Variants in MYO16 observed in about 807,000 individuals in gnomAD.
The protein encoded by MYO16 is unconventional myosin-XVI.
Under a neutral mutation model 205.3 loss-of-function variants are expected in MYO16, and 94 were observed. The observed-to-expected ratio is 0.46, with a 90% confidence interval of 0.39 to 0.54. MYO16 has a LOEUF of 0.54. Among genes scored for constraint, MYO16 ranks in the 20% least tolerant of loss-of-function variants. The pLI is 0.00. For missense variants in MYO16, 2,315 were observed against 2,387.5 expected, an observed-to-expected ratio of 0.97 and a Z score of 0.63; for synonymous variants, 988 against 954.0, an observed-to-expected ratio of 1.04 and a Z score of -0.66.
chr13:108,793,080 G>A (rs1030150888), intron 5 of MYO16, among the ~76,000 whole-genome samples: 9 of 151,986 alleles, frequency 5.9e-5, no homozygotes, highest in Non-Finnish European at 1.2e-4. Context: ...TCAGGATATC[G>A]AGACCATCCT....
At position 109,164,949 on chromosome 13, in the gene MYO16, C is replaced by T. The variant is rs1250283520; in HGVS notation, c.5213C>T (p.Ser1738Leu). 6.2e-7 allele frequency: 1 copy of T among 1,608,184 alleles called. No homozygotes were observed. Among genetic ancestry groups the T allele is most frequent in the Admixed American group, 1.7e-5 (1 of 59,020 alleles). Residue 1738 changes from serine (S) to leucine (L), a missense_variant, in exon 33 of 35, where the codon TCA becomes TTA. Coordinates refer to ENST00000457511, the MANE Select transcript of MYO16 (RefSeq NM_001198950.3). ...AGTAGCCGAGATGACCCTAGTACGT[C>T]AGAAATTACTTCCGAGACTCAAGAC... ...NISSRDDPST[S>L]EITSETQDRN...
chr13:108,659,515 C>A, intron 1 of MYO16: 1 of 187,230 alleles, frequency 5.3e-6, no homozygotes, highest in Non-Finnish European at 1.1e-5. Context: ...ACCTCCCTTG[C>A]CCCCCTAAAA....
intron 34 of MYO16, among the ~76,000 whole-genome samples, chr13:109,181,985 A>G (rs1204710196): frequency 6.6e-6 from 1 of 151,886 alleles, no homozygotes; most frequent in African/African-American, 2.4e-5. Context: ...ACACCCAGCT[A>G]ATTTTGTATT....
intron 19 of MYO16, 114 bp downstream of exon 19, chr13:108,962,609 T>C: frequency 1.3e-6 from 1 of 755,124 alleles, no homozygotes; most frequent in Non-Finnish European, 2.1e-6. Flanking sequence ...GAATGCCAAA[T>C]GAGGAAAGCA....
intron 20 of MYO16, among the ~76,000 whole-genome samples, chr13:108,978,776 A>G (rs1413623829): frequency 6.6e-6 from 1 of 152,014 alleles, no homozygotes; most frequent in African/African-American, 2.4e-5. Flanking sequence ...AATGAAGATC[A>G]TATACTCCTT....
intron 29 of MYO16, among the ~76,000 whole-genome samples, chr13:109,123,374 C>T (rs1165995950): frequency 2.0e-5 from 3 of 152,198 alleles, no homozygotes; most frequent in Non-Finnish European, 4.4e-5. Flanking sequence ...CATTAATCTT[C>T]TCTTTATTCC....
chr13:109,206,124 T>C (rs1880588528), intron 34 of MYO16, among the ~76,000 whole-genome samples: 1 of 143,514 alleles, frequency 7.0e-6, no homozygotes, highest in Admixed American at 7.0e-5. Flanking sequence ...GGTCCATGCC[T>C]TATGGTCGGA....
chr13:108,712,623 A>C, intron 2 of MYO16, 38 bp from the exon 3 acceptor site: 1 of 1,575,624 alleles, frequency 6.3e-7, no homozygotes, highest in African/African-American at 1.3e-5. Flanking sequence ...TGGAAGAAGG[A>C]CTCTCTGTAA....
At chr13:109,018,511 C>T (rs1176975743) in intron 22 of MYO16, among the ~76,000 whole-genome samples, 1 of 152,166 alleles carries the variant, frequency 6.6e-6, no homozygotes, top group Non-Finnish European at 1.5e-5. Flanking sequence ...AGAACCACTG[C>T]TCTCTTCAGA....
intron 2 of MYO16, among the ~76,000 whole-genome samples, chr13:108,681,819 T>C (rs1882475829): frequency 6.6e-6 from 1 of 152,206 alleles, no homozygotes; most frequent in African/African-American, 2.4e-5. Flanking sequence ...GCATTTGACT[T>C]CAGAGACTCT....
intron 16 of MYO16, among the ~76,000 whole-genome samples, chr13:108,925,179 G>T (rs1881935782): frequency 6.6e-6 from 1 of 152,074 alleles, no homozygotes; most frequent in Non-Finnish European, 1.5e-5. Flanking sequence ...TCTCTCACTG[G>T]TCCCGGCATC....
chr13:109,035,120 A>G (rs1315263394), intron 23 of MYO16, among the ~76,000 whole-genome samples: 2 of 152,160 alleles, frequency 1.3e-5, no homozygotes, highest in Non-Finnish European at 2.9e-5. Flanking sequence ...CCAAAATTCC[A>G]ACACCATATA....
At chr13:109,133,052 G>T (rs900770517) in intron 31 of MYO16, among the ~76,000 whole-genome samples, 1 of 152,142 alleles carries the variant, frequency 6.6e-6, no homozygotes, top group African/African-American at 2.4e-5. Flanking sequence ...GGCATGGAAG[G>T]CAATGGTATT....
At chr13:109,022,664 T>C (rs1323246388) in intron 23 of MYO16, among the ~76,000 whole-genome samples, 3 of 111,084 alleles carry the variant, frequency 2.7e-5, no homozygotes, top group African/African-American at 6.5e-5. Context: ...TATATATTTA[T>C]ATATTATATA....
At chr13:108,875,188 C>T (rs1044142551) in intron 12 of MYO16, among the ~76,000 whole-genome samples, 1 of 152,118 alleles carries the variant, frequency 6.6e-6, no homozygotes, top group Non-Finnish European at 1.5e-5. Context: ...TATCCCCTGA[C>T]CAAGAATCCT....
chr13:108,723,952 G>A (rs993042046), intron 3 of MYO16, among the ~76,000 whole-genome samples: 1 of 152,096 alleles, frequency 6.6e-6, no homozygotes, highest in African/African-American at 2.4e-5. Context: ...TCTGACCCAA[G>A]AACACACTAA....
At chr13:109,153,390 G>C (rs1428875307) in intron 32 of MYO16, among the ~76,000 whole-genome samples, 1 of 108,170 alleles carries the variant, frequency 9.2e-6, no homozygotes, top group Non-Finnish European at 2.1e-5. Context: ...TATCAGAATA[G>C]CTATAGATAT....
At chr13:108,562,368 G>T in the MYO16 span, among the ~76,000 whole-genome samples, 3 of 152,006 alleles carry the variant, frequency 2.0e-5, no homozygotes, top group South Asian at 4.1e-4. Flanking sequence ...TTTTTTAGGG[G>T]GTACGAATAT....
intron 1 of MYO16, among the ~76,000 whole-genome samples, chr13:108,640,046 A>G (rs1031567603): frequency 1.3e-5 from 2 of 152,220 alleles, no homozygotes; most frequent in Non-Finnish European, 2.9e-5. Context: ...GCTGCAGCTC[A>G]GGTGAGAGAT....
Sources: allele counts gnomAD v4.1 joint callset (sites outside exome capture counted in the v4.1 genomes callset), GRCh38; gene constraint gnomAD v4.1.1; transcripts MANE v1.5; gene names NCBI Gene and HGNC (gene_info 2026-07-23, HGNC 2026-07-21).